DERPC: variants seen among roughly 807,000 people sequenced by gnomAD.
The protein encoded by DERPC is decreased expression in renal and prostate cancer protein.
DERPC carries 1 observed loss-of-function variant against 7.2 expected under a neutral mutation model. The observed-to-expected ratio is 0.14, with a 90% CI of 0.05 to 0.66. The LOEUF (loss-of-function observed/expected upper bound fraction) is 0.66. Ranked by LOEUF, DERPC falls within the 30% of genes least tolerant of loss-of-function variation. DERPC has a pLI of 0.84. For missense variants in DERPC, 502 were observed against 299.4 expected (o/e 1.68, Z -4.99); for synonymous variants, 185 against 117.6 (o/e 1.57, Z -3.71).
Position 69,118,623 on chromosome 16 carries a change from G to A in DERPC, c.*231C>T, listed in dbSNP as rs905886914. On this transcript the variant is annotated 3_prime_UTR_variant, in exon 3 of 3. Coordinates refer to ENST00000519520, the MANE Select transcript of DERPC (RefSeq NM_001002847.4). ...CACAGCAGGCTTCTGGGAGGCTGGA[G>A]ATCCTTTCTCTCAAGGGCAGGATTA... is the stretch of plus-strand genomic sequence containing the variant. 3.3e-5 allele frequency: 23 copies of A among 704,650 alleles called. No individual in the cohort carries two copies. Among genetic ancestry groups the A allele is most frequent in the Admixed American group, 6.0e-5 (3 of 49,946 alleles). The allele number at this position is 704,650 out of a possible 1,614,324, so 43.6% of individuals were successfully genotyped here.
chr16:69,121,026 T>C (rs775610611), intron 2 of DERPC: 3 of 1,588,288 alleles, frequency 1.9e-6, no homozygotes, highest in Non-Finnish European at 2.6e-6. Context: ...CCTGAGGCAT[T>C]AGGCAGGGAA....
chr16:69,120,684 C>T lies in DERPC; in HGVS notation c.-221-35G>A, dbSNP rs754504569. 2.0e-5 allele frequency: 32 copies of T among 1,571,472 alleles called. No homozygotes were observed. The highest frequency in any genetic ancestry group is 9.0e-5 in the East Asian group (4 of 44,406). On this transcript the variant is annotated intron_variant, in intron 2 of 2. Coordinates refer to ENST00000519520, the MANE Select transcript of DERPC (RefSeq NM_001002847.4). The surrounding 1 kb of genome is among the most constrained non-coding windows in gnomAD (Gnocchi z 4.0). ...AACAAGAACGAGATTCCTGAGGTTC[C>T]GGGGCAAGGCCATAACACTCAGGCG...
chr16:69,125,929 C>T (rs574583941), intron 1 of DERPC, among the ~76,000 whole-genome samples: 1 of 152,028 alleles, frequency 6.6e-6, no homozygotes, highest in African/African-American at 2.4e-5. Context: ...CTTTAAAGAC[C>T]CCAAGTTCTA....
intron 1 of DERPC, among the ~76,000 whole-genome samples, chr16:69,122,289 T>G (rs571573546): frequency 6.6e-6 from 1 of 152,162 alleles, no homozygotes; most frequent in African/African-American, 2.4e-5. Flanking sequence ...AAGGAAAAGA[T>G]GATATGAACC....
Position 69,120,496 on chromosome 16 carries a change from G to C in DERPC, c.-68C>G, listed in dbSNP as rs1961566223. ...TTGAAAAGGATCTTGTCTTTGATGAGTGCTGTCACCAGGTACCGGGTGCCA... is the reference window on the plus strand; with the variant it reads ...TTGAAAAGGATCTTGTCTTTGATGACTGCTGTCACCAGGTACCGGGTGCCA... On this transcript the variant is annotated 5_prime_UTR_variant, in exon 3 of 3. Coordinates refer to ENST00000519520, the MANE Select transcript of DERPC (RefSeq NM_001002847.4). The surrounding 1 kb of genome is among the most constrained non-coding windows in gnomAD (Gnocchi z 4.0). 1 of 1,614,118 alleles carries C rather than the reference G, an allele frequency of 6.2e-7. No individual in the cohort carries two copies. The highest frequency in any genetic ancestry group is 8.5e-7 in the Non-Finnish European group (1 of 1,180,018).
intron 1 of DERPC, among the ~76,000 whole-genome samples, chr16:69,123,854 A>G (rs1022217536): frequency 6.6e-6 from 1 of 151,582 alleles, no homozygotes; most frequent in Non-Finnish European, 1.5e-5. Flanking sequence ...TTGGGAGACC[A>G]AAGTGGGTGG....
chr16:69,128,138 C>T (rs1408070399), intron 1 of DERPC, among the ~76,000 whole-genome samples: 2 of 152,008 alleles, frequency 1.3e-5, no homozygotes, highest in Non-Finnish European at 2.9e-5. Flanking sequence ...TGGTCTTGAA[C>T]TCCTGACCTC....
chr16:69,122,974 C>T (rs555501447), intron 1 of DERPC, among the ~76,000 whole-genome samples: 30 of 152,228 alleles, frequency 2.0e-4, no homozygotes, highest in African/African-American at 7.0e-4. Flanking sequence ...CCACCACACC[C>T]GGCCTTGATC....
intron 1 of DERPC, among the ~76,000 whole-genome samples, chr16:69,127,239 CAA>C (rs532264036): frequency 1.6e-4 from 17 of 108,718 alleles, no homozygotes; most frequent in Admixed American, 3.0e-4. Context: ...AACTCCGTCT[CAA>C]AAAAAAAAAA....
intron 1 of DERPC, among the ~76,000 whole-genome samples, chr16:69,128,006 C>T (rs1962206007): frequency 6.6e-6 from 1 of 151,952 alleles, no homozygotes; most frequent in South Asian, 2.1e-4. Context: ...CCTCCGCTGC[C>T]CAGGATCAGG....
At chr16:69,128,483 C>T (rs1962250738) in intron 1 of DERPC, among the ~76,000 whole-genome samples, 1 of 152,182 alleles carries the variant, frequency 6.6e-6, no homozygotes, top group African/African-American at 2.4e-5. Flanking sequence ...TCCCCAATCT[C>T]ATGAGGAGGG....
chr16:69,122,066 G>T (rs894003233), intron 1 of DERPC, among the ~76,000 whole-genome samples: 1 of 152,204 alleles, frequency 6.6e-6, no homozygotes, highest in African/African-American at 2.4e-5. Flanking sequence ...GATTACAGGT[G>T]TGAGCCACCA....
At chr16:69,127,557 G>A (rs1409958919) in intron 1 of DERPC, among the ~76,000 whole-genome samples, 1 of 147,824 alleles carries the variant, frequency 6.8e-6, no homozygotes, top group East Asian at 2.1e-4. Flanking sequence ...TATACATGAA[G>A]TCAAGAAACT....
At position 69,120,406 on chromosome 16, in the gene DERPC, G is replaced by A. The variant is rs1477308212; in HGVS notation, c.23C>T (p.Pro8Leu). The change falls in exon 3 of 3, where the codon CCT (proline) becomes CTT (leucine). Residue 8 changes from proline to leucine, a missense_variant. Coordinates refer to ENST00000519520, the MANE Select transcript of DERPC (RefSeq NM_001002847.4). This position sits in a 1 kb window ranked among gnomAD's most constrained non-coding sequence, Gnocchi z 4.0. MKEPRIFPRERPTPWTRA... is the reference protein window; with the variant it reads MKEPRIFLRERPTPWTRA... ...AGTCCAAGGAGTTGGCCGCTCTCTA[G>A]GGAAAATCCGAGGTTCTTTCATACT... 1.2e-6 allele frequency: 2 copies of A among 1,613,204 alleles called. No individual in the cohort carries two copies. Among genetic ancestry groups the A allele is most frequent in the African/African-American group, 2.7e-5 (2 of 75,034 alleles).
At chr16:69,129,630 GT>G (rs780639571) in intron 1 of DERPC, among the ~76,000 whole-genome samples, 20 of 152,122 alleles carry the variant, frequency 1.3e-4, no homozygotes, top group Non-Finnish European at 1.8e-4. Flanking sequence ...GGAGCTAAAT[GT>G]TAACTGGTCA....
chr16:69,123,001 C>T (rs567368324), intron 1 of DERPC, among the ~76,000 whole-genome samples: 22 of 152,190 alleles, frequency 1.4e-4, no homozygotes, highest in Admixed American at 1.2e-3. Flanking sequence ...CCTCATGATC[C>T]GCCCACCTTG....
intron 1 of DERPC, among the ~76,000 whole-genome samples, chr16:69,129,895 C>T (rs1300255932): frequency 6.6e-6 from 1 of 152,186 alleles, no homozygotes; most frequent in Non-Finnish European, 1.5e-5. Flanking sequence ...AAGCAGCTTG[C>T]TTTTTATCAT....
At chr16:69,131,839 CTCGGCTT>C (rs1962548920) in intron 1 of DERPC, among the ~76,000 whole-genome samples, 1 of 151,798 alleles carries the variant, frequency 6.6e-6, no homozygotes, top group Admixed American at 6.6e-5. Flanking sequence ...CCACTCGTCT[CTCGGCTT>C]CCCTCCCACA....
intron 1 of DERPC, 41 bp from the exon 2 acceptor site, chr16:69,121,534 CAACT>C: frequency 7.8e-7 from 1 of 1,287,344 alleles, no homozygotes; most frequent in Non-Finnish European, 1.1e-6. Context: ...ATAACAACAA[CAACT>C]AATAATGACA....
Sources: allele counts gnomAD v4.1 joint callset (sites outside exome capture counted in the v4.1 genomes callset), GRCh38; gene constraint gnomAD v4.1.1; non-coding constraint Gnocchi (gnomAD v3.1); transcripts MANE v1.5; gene names NCBI Gene and HGNC (gene_info 2026-07-23, HGNC 2026-07-21).